The following LIMD1 variants were observed in gnomAD, a reference collection of about 807,000 sequenced individuals.
LIMD1 encodes LIM domain-containing protein 1.
LIMD1 carries 23 observed loss-of-function variants against 58.4 expected under a neutral mutation model. That is an observed-to-expected ratio of 0.39 (90% CI 0.28 to 0.56). The LOEUF (loss-of-function observed/expected upper bound fraction) is 0.56, where lower values mean the gene tolerates loss of function less well. Ranked by LOEUF, LIMD1 falls within the 20% of genes least tolerant of loss-of-function variation. The pLI is 0.57. For synonymous variants in LIMD1, 334 were observed against 345.5 expected, an observed-to-expected ratio of 0.97 and a Z score of 0.37; for missense variants, 838 against 855.5, an observed-to-expected ratio of 0.98 and a Z score of 0.25.
At position 45,659,702 on chromosome 3, in the gene LIMD1, C is replaced by A. The variant is rs193091775; in HGVS notation, c.1511-5948C>A. 2.3e-3 allele frequency among the ~76,000 whole-genome samples: 344 copies of A among 152,280 alleles called. 1 individual carries two copies. The highest frequency in any genetic ancestry group is 6.8e-3 in the Middle Eastern group (2 of 294). On this transcript the variant is annotated intron_variant, in intron 2 of 7. Coordinates refer to ENST00000273317, the MANE Select transcript of LIMD1 (RefSeq NM_014240.3). ...TTTAAATAGCTATGTAACATTTCAT[C>A]ATTTATATGTACTCTGGTTTATATA...
chr3:45,629,292 A>G (rs1701703238), intron 1 of LIMD1, among the ~76,000 whole-genome samples: 2 of 151,902 alleles, frequency 1.3e-5, no homozygotes, highest in South Asian at 2.1e-4. Context: ...ACGTGCCTGT[A>G]ATCCCAGCTA....
Position 45,683,932 on chromosome 3 carries a change from A to G in LIMD1, c.*6873A>G, listed in dbSNP as rs1444425637. On this transcript the variant is annotated 3_prime_UTR_variant, in exon 8 of 8. Transcript: ENST00000273317. ...CACAGACTCCAACGAACGTTTTTTGAGAGGAAATGAAAGAATATTCCTAAG... is the reference window on the plus strand; with the variant it reads ...CACAGACTCCAACGAACGTTTTTTGGGAGGAAATGAAAGAATATTCCTAAG... 3 of 152,200 alleles carry G rather than the reference A, an allele frequency of 2.0e-5. No homozygotes were observed. Among genetic ancestry groups the G allele is most frequent in the Non-Finnish European group, 2.9e-5 (2 of 68,028 alleles). The allele number at this position is 152,200 out of a possible 1,614,324, so 9.4% of individuals were successfully genotyped here. A position where few individuals can be genotyped will look rare whatever the true frequency, so the allele number is the denominator to read the frequency against.
rs376904628 is a variant in LIMD1, at chr3:45,595,399, C to A, written c.520C>A (p.Leu174Ile). The stretch of plus-strand genomic sequence containing the variant: ...AGGCCCCTGTGAGGATCCTTCCTGC[C>A]TCACTCATGGAGACTATTATGACAA... ...QPGPCEDPSCLTHGDYYDNLS... is the reference protein window; with the variant it reads ...QPGPCEDPSCITHGDYYDNLS... The change falls in exon 1 of 8, where the codon CTC becomes ATC. Residue 174 changes from leucine (L) to isoleucine (I), a missense_variant. Around this residue, in one of 3 missense-constraint regions of LIMD1, gnomAD observed 659 missense variants for 639.8 expected, o/e 1.03. Coordinates refer to ENST00000273317, the MANE Select transcript of LIMD1 (RefSeq NM_014240.3). 2 of 1,613,996 alleles carry A rather than the reference C, an allele frequency of 1.2e-6. No individual in the cohort carries two copies. Among genetic ancestry groups the A allele is most frequent in the Non-Finnish European group, 1.7e-6 (2 of 1,180,040 alleles).
At chr3:45,601,421 G>A (rs976405896) in intron 1 of LIMD1, among the ~76,000 whole-genome samples, 1 of 152,184 alleles carries the variant, frequency 6.6e-6, no homozygotes, top group Non-Finnish European at 1.5e-5. Flanking sequence ...CTCTTCAGGG[G>A]CTGACAGGAG....
chr3:45,605,575 T>C (rs1701460856), intron 1 of LIMD1, among the ~76,000 whole-genome samples: 1 of 152,156 alleles, frequency 6.6e-6, no homozygotes, highest in Non-Finnish European at 1.5e-5. Context: ...TCTGGCCAAA[T>C]GTAGAATCAT....
intron 1 of LIMD1, among the ~76,000 whole-genome samples, chr3:45,606,127 C>T (rs1267313204): frequency 1.3e-5 from 2 of 152,206 alleles, no homozygotes; most frequent in African/African-American, 2.4e-5. Context: ...ATGCTTTACT[C>T]ACCTGTATTA....
chr3:45,652,724 G>A (rs973891400), intron 2 of LIMD1, among the ~76,000 whole-genome samples: 2 of 152,188 alleles, frequency 1.3e-5, no homozygotes, highest in African/African-American at 2.4e-5. Flanking sequence ...CTGTTCTTGC[G>A]AATCCTGCAG....
intron 1 of LIMD1, among the ~76,000 whole-genome samples, chr3:45,597,103 G>C (rs1257187455): frequency 6.6e-6 from 1 of 151,730 alleles, no homozygotes; most frequent in East Asian, 1.9e-4. Context: ...CTCGTGATCC[G>C]CCCGCCTTGG....
rs536351838 is a variant in LIMD1, at chr3:45,649,490, A to T, written c.1510+13239A>T. On this transcript the variant is annotated intron_variant, in intron 2 of 7. Transcript: ENST00000273317. ...AGGTCAGAAGATCGAGACCATCCTG[A>T]CTAACATGGTGAAACCCCGTCTCTA... Among the ~76,000 whole-genome samples, 267 of 151,304 alleles carry T rather than the reference A, an allele frequency of 1.8e-3. 2 individuals are homozygous for T. Among genetic ancestry groups the T allele is most frequent in the African/African-American group, 6.1e-3 (252 of 41,306 alleles).
chr3:45,617,540 G>A (rs1047358889), intron 1 of LIMD1, among the ~76,000 whole-genome samples: 1 of 152,178 alleles, frequency 6.6e-6, no homozygotes, highest in African/African-American at 2.4e-5. Context: ...TGTGCCAGGT[G>A]TCTACCTGCT....
intron 2 of LIMD1, among the ~76,000 whole-genome samples, chr3:45,661,187 T>C (rs1697432441): frequency 6.6e-6 from 1 of 152,164 alleles, no homozygotes; most frequent in South Asian, 2.1e-4. Flanking sequence ...TTTCAGGTTA[T>C]AAAAATAATG....
intron 2 of LIMD1, among the ~76,000 whole-genome samples, chr3:45,648,504 T>C (rs1413314799): frequency 6.6e-6 from 1 of 152,232 alleles, no homozygotes; most frequent in African/African-American, 2.4e-5. Flanking sequence ...TAGACACTTG[T>C]TTTTATTTTT....
intron 2 of LIMD1, among the ~76,000 whole-genome samples, chr3:45,653,223 G>A (rs1413002978): frequency 1.3e-5 from 2 of 152,362 alleles, no homozygotes; most frequent in Non-Finnish European, 1.5e-5. Flanking sequence ...AAGGAGTGAT[G>A]TAGGGGATTT....
At chr3:45,662,236 C>G (rs563664723) in intron 2 of LIMD1, among the ~76,000 whole-genome samples, 3 of 151,690 alleles carry the variant, frequency 2.0e-5, no homozygotes, top group South Asian at 4.2e-4. Context: ...GATGTTTGCT[C>G]TAGTTTGTTA....
At position 45,685,849 on chromosome 3, in the gene LIMD1, C is replaced by G. The variant is rs1697802427; in HGVS notation, c.*8790C>G. The G allele has an allele frequency of 6.6e-6, 1 of 152,110 alleles. No individual in the cohort carries two copies. Among genetic ancestry groups the G allele is most frequent in the African/African-American group, 2.4e-5 (1 of 41,392 alleles). The allele number at this position is 152,110 out of a possible 1,614,324, so 9.4% of individuals were successfully genotyped here. A position where few individuals can be genotyped will look rare whatever the true frequency, so the allele number is the denominator to read the frequency against. On this transcript the variant is annotated 3_prime_UTR_variant, in exon 8 of 8. Transcript: ENST00000273317. ...AATGCCCAACCTTGTTTTTACTAAC[C>G]CTGTTTTTAGACTCTCCCTCTTCCT...
intron 4 of LIMD1, 50 bp from the exon 5 acceptor site, chr3:45,672,640 C>T (rs758083483): frequency 6.2e-7 from 1 of 1,603,088 alleles, no homozygotes; most frequent in Non-Finnish European, 8.5e-7. Flanking sequence ...TCCCCTTCCA[C>T]CATCTCATCC....
intron 1 of LIMD1, among the ~76,000 whole-genome samples, chr3:45,616,003 G>A (rs998217461): frequency 4.6e-5 from 7 of 152,174 alleles, no homozygotes; most frequent in Non-Finnish European, 1.0e-4. Context: ...CAGCCTTCAG[G>A]GGCCTCTAGG....
At position 45,681,316 on chromosome 3, in the gene LIMD1, T is replaced by C. The variant is rs1317109975; in HGVS notation, c.*4257T>C. 3 of 152,254 alleles carry C rather than the reference T, an allele frequency of 2.0e-5. No homozygotes were observed. Among genetic ancestry groups the C allele is most frequent in the African/African-American group, 7.2e-5 (3 of 41,482 alleles). 9.4% of individuals were successfully genotyped at this position (152,254 alleles called of 1,614,324 possible). ...AGTCAGCAAACTGTTTTTTGCTACC[T>C]GGACTTTGTCTTCTTTTACAGCTCT... On this transcript the variant is annotated 3_prime_UTR_variant, in exon 8 of 8. Transcript: ENST00000273317.
intron 5 of LIMD1, 28 bp downstream of exon 5, chr3:45,672,848 C>T (rs1575368309): frequency 1.2e-6 from 2 of 1,611,892 alleles, no homozygotes; most frequent in East Asian, 2.2e-5. Context: ...CAGACAGGAC[C>T]CATTCGTGTA....
Sources: gnomAD v4.1 joint callset for allele counts (sites outside exome capture counted in the v4.1 genomes callset) on GRCh38, gnomAD v4.1.1 for gene constraint, gnomAD v4.1.1 regional missense constraint, MANE v1.5 for transcripts, NCBI Gene and HGNC (gene_info 2026-07-23, HGNC 2026-07-21) for gene names.